Variants in DAD1 observed in about 807,000 individuals in gnomAD.
The protein encoded by DAD1 is dolichyl-diphosphooligosaccharide--protein glycosyltransferase subunit DAD1.
In DAD1, 4 loss-of-function variants were observed where a neutral mutation model predicts 9.0. The observed-to-expected ratio is 0.44, with a 90% CI of 0.22 to 1.01. The LOEUF is 1.01. Among genes scored for constraint, DAD1 ranks in the 50% least tolerant of loss-of-function variants. DAD1 has a pLI of 0.24. For missense variants in DAD1, 119 were observed against 137.3 expected, an observed-to-expected ratio of 0.87 and a Z score of 0.67; for synonymous variants, 60 against 62.5, an observed-to-expected ratio of 0.96 and a Z score of 0.19.
rs1331174252 is a variant in DAD1, at chr14:22,577,948, T to C, written c.212-2715A>G. ...ATGGTAAATTTTGTCATGTTTTATC[T>C]TGACCAAAAACAAACAAAAAAAAGG... On this transcript the variant is annotated intron_variant, in intron 1 of 2. Transcript: ENST00000250498. 2.0e-5 allele frequency among the ~76,000 whole-genome samples: 3 copies of C among 152,184 alleles called. No individual in the cohort carries two copies. In the East Asian group the frequency reaches 5.8e-4, roughly 29 times the overall value.
chr14:22,578,308 T>C (rs1447509653), intron 1 of DAD1, among the ~76,000 whole-genome samples: 1 of 151,784 alleles, frequency 6.6e-6, no homozygotes, highest in Non-Finnish European at 1.5e-5. Context: ...CTCACTCCTG[T>C]AATCCCCGCA....
At chr14:22,571,423 T>C (rs1173218038) in intron 2 of DAD1, among the ~76,000 whole-genome samples, 1 of 151,914 alleles carries the variant, frequency 6.6e-6, no homozygotes, top group Non-Finnish European at 1.5e-5. Flanking sequence ...CTTTCTGTCA[T>C]GGATTCATTC....
chr14:22,579,659 C>A (rs569697789), intron 1 of DAD1, among the ~76,000 whole-genome samples: 9 of 152,004 alleles, frequency 5.9e-5, no homozygotes, highest in African/African-American at 2.2e-4. Flanking sequence ...AGAACAAAGA[C>A]ATTCTGAAAG....
intron 1 of DAD1, among the ~76,000 whole-genome samples, chr14:22,579,729 T>C (rs1185000716): frequency 4.0e-5 from 6 of 151,814 alleles, no homozygotes; most frequent in Non-Finnish European, 5.9e-5. Context: ...GATTAAACTA[T>C]ACAACTGACA....
intron 1 of DAD1, among the ~76,000 whole-genome samples, chr14:22,581,386 C>T (rs1304112649): frequency 6.6e-6 from 1 of 152,082 alleles, no homozygotes; most frequent in African/African-American, 2.4e-5. Flanking sequence ...AAGGAACCAA[C>T]CATGTAAAAA....
rs1477683130 is a variant in DAD1, at chr14:22,572,411, T to C, written c.*44+2648A>G. On this transcript the variant is annotated intron_variant, in intron 2 of 2. Transcript: ENST00000250498. ...TTTAAAAACTGAGAGCAGGACAGTATAGTATAATTCAAATGAAGGATCTCT... is the reference window on the plus strand; with the variant it reads ...TTTAAAAACTGAGAGCAGGACAGTACAGTATAATTCAAATGAAGGATCTCT... Among the ~76,000 whole-genome samples the C allele has an allele frequency of 2.0e-5, 3 of 152,274 alleles. No individual in the cohort carries two copies. The South Asian group carries it at 6.2e-4, about 32-fold the overall frequency.
rs2037068395 is a variant in DAD1, at chr14:22,575,214, G to T, written c.231C>A (p.Ile77=). The T allele has an allele frequency of 6.2e-7, 1 of 1,613,748 alleles. No homozygotes were observed. Among genetic ancestry groups the T allele is most frequent in the African/African-American group, 1.3e-5 (1 of 74,862 alleles). ...GGAAATCCGCTTTGTTCTGTGGGTT[G>T]ATCTGTATTCTCAGGCAAACTGCAC... ...FILAVCLRIQ[I]NPQNKADFQG... Residue 77 remains isoleucine (I), a synonymous_variant, in exon 2 of 3, where the codon ATC becomes ATA. Coordinates refer to ENST00000250498, the MANE Select transcript of DAD1 (RefSeq NM_001344.4).
At chr14:22,568,307 C>T (rs1157559737) in intron 2 of DAD1, among the ~76,000 whole-genome samples, 1 of 152,208 alleles carries the variant, frequency 6.6e-6, no homozygotes, top group Non-Finnish European at 1.5e-5. Flanking sequence ...ATCCTACAAG[C>T]CTGTTAACGT....
At chr14:22,582,869 G>A (rs34517299) in intron 1 of DAD1, among the ~76,000 whole-genome samples, 1 of 151,462 alleles carries the variant, frequency 6.6e-6, no homozygotes, top group Non-Finnish European at 1.5e-5. Flanking sequence ...AGCCGGGCAT[G>A]GGGGAGCGTG....
chr14:22,587,741 C>CT (rs368168879), intron 1 of DAD1, among the ~76,000 whole-genome samples: 9,925 of 139,066 alleles, frequency 0.071, 538 homozygotes, highest in African/African-American at 0.14. Flanking sequence ...TGTCACCAGA[C>CT]TTTTTTTTTT....
intron 2 of DAD1, among the ~76,000 whole-genome samples, chr14:22,565,549 G>A (rs1437746675): frequency 6.6e-6 from 1 of 152,172 alleles, no homozygotes; most frequent in Non-Finnish European, 1.5e-5. Flanking sequence ...ATTTCCATTG[G>A]TGGGGAGGCA....
intron 1 of DAD1, among the ~76,000 whole-genome samples, chr14:22,581,174 G>A (rs1273481134): frequency 6.6e-6 from 1 of 152,150 alleles, no homozygotes; most frequent in African/African-American, 2.4e-5. Context: ...AAACAGTCTG[G>A]CTCTCAAGGA....
At chr14:22,576,918 C>T (rs1018004282) in intron 1 of DAD1, among the ~76,000 whole-genome samples, 1 of 152,054 alleles carries the variant, frequency 6.6e-6, no homozygotes, top group Admixed American at 6.6e-5. Context: ...AAAATTACAA[C>T]GAGATATCAC....
chr14:22,572,623 C>T (rs1258997045), intron 2 of DAD1, among the ~76,000 whole-genome samples: 1 of 152,134 alleles, frequency 6.6e-6, no homozygotes, highest in Non-Finnish European at 1.5e-5. Flanking sequence ...GCTGAGACTG[C>T]TTTTTTGTCT....
intron 2 of DAD1, among the ~76,000 whole-genome samples, chr14:22,573,380 G>A (rs2037054365): frequency 6.6e-6 from 1 of 152,062 alleles, no homozygotes; most frequent in African/African-American, 2.4e-5. Flanking sequence ...AGGAAGGGAG[G>A]AAGAGGATAA....
intron 2 of DAD1, among the ~76,000 whole-genome samples, chr14:22,573,652 G>A (rs1405813948): frequency 6.8e-6 from 1 of 147,014 alleles, no homozygotes; most frequent in Non-Finnish European, 1.5e-5. Flanking sequence ...GGAGTCTGCA[G>A]TGAGCCGAGA....
chr14:22,586,543 CA>C lies in DAD1; in HGVS notation c.211+2403del, dbSNP rs1424946898. ...GAGAAAAAAGAGCAAAACTCCATCT[CA>C]AAAAAAGTCCAAATTCCTTGGCCTG... On this transcript the variant is annotated intron_variant, in intron 1 of 2. Transcript: ENST00000250498. Among the ~76,000 whole-genome samples the C allele has an allele frequency of 2.6e-5, 4 of 152,128 alleles. No individual in the cohort carries two copies. In the East Asian group the frequency reaches 5.8e-4, roughly 22 times the overall value.
intron 1 of DAD1, among the ~76,000 whole-genome samples, chr14:22,585,376 T>C (rs2037145001): frequency 6.6e-6 from 1 of 152,194 alleles, no homozygotes; most frequent in Non-Finnish European, 1.5e-5. Flanking sequence ...TGAGCACAGC[T>C]TTCAGTTGGG....
chr14:22,572,677 A>G (rs2037049457), intron 2 of DAD1, among the ~76,000 whole-genome samples: 1 of 152,180 alleles, frequency 6.6e-6, no homozygotes, highest in Non-Finnish European at 1.5e-5. Context: ...TCTGCAGTAG[A>G]GTCTTCCTCC....
Sources: allele counts gnomAD v4.1 joint callset (sites outside exome capture counted in the v4.1 genomes callset), GRCh38; gene constraint gnomAD v4.1.1; transcripts MANE v1.5; gene names NCBI Gene and HGNC (gene_info 2026-07-23, HGNC 2026-07-21).